The following GRIK3 variants were observed in gnomAD, a reference collection of about 807,000 sequenced individuals.
GRIK3 encodes glutamate receptor ionotropic, kainate 3.
A neutral mutation model predicts 102.5 loss-of-function variants in GRIK3; 29 were observed. The ratio of observed to expected loss-of-function variants is 0.28; its 90% confidence interval spans 0.21 to 0.39. GRIK3 has a LOEUF of 0.39. Ranked by LOEUF, GRIK3 falls within the 10% of genes least tolerant of loss-of-function variation. The probability of loss-of-function intolerance (pLI) is 1.00; values close to 1 mark genes in which losing one functional copy is unlikely to be tolerated. For missense variants in GRIK3, 908 were observed against 1,252.4 expected (o/e 0.73, Z 4.15); for synonymous variants, 511 against 504.9 (o/e 1.01, Z -0.16).
intron 1 of GRIK3, among the ~76,000 whole-genome samples, chr1:36,947,860 C>G (rs749196593): frequency 1.3e-5 from 2 of 152,136 alleles, no homozygotes; most frequent in African/African-American, 4.8e-5. Flanking sequence ...CACCCCACCC[C>G]CTCCACAGTA....
At chr1:36,954,090 A>G (rs1304927021) in intron 1 of GRIK3, among the ~76,000 whole-genome samples, 1 of 152,200 alleles carries the variant, frequency 6.6e-6, no homozygotes, top group African/African-American at 2.4e-5. Flanking sequence ...AAGGGGGACG[A>G]AGGGCATCCT....
intron 5 of GRIK3, among the ~76,000 whole-genome samples, chr1:36,862,650 C>T (rs1188026991): frequency 1.3e-5 from 2 of 152,184 alleles, no homozygotes; most frequent in Non-Finnish European, 1.5e-5. Flanking sequence ...AAGTCTCCCT[C>T]CCTCAGCTCC....
intron 1 of GRIK3, among the ~76,000 whole-genome samples, chr1:36,895,799 A>G (rs1641165631): frequency 6.6e-6 from 1 of 152,186 alleles, no homozygotes; most frequent in African/African-American, 2.4e-5. Context: ...AGCAGGAAAT[A>G]TGTCCCCAAA....
chr1:36,898,466 T>G (rs1308059889), intron 1 of GRIK3, among the ~76,000 whole-genome samples: 1 of 152,162 alleles, frequency 6.6e-6, no homozygotes, highest in East Asian at 1.9e-4. Context: ...ACATCTATTA[T>G]GTACCCACAA....
chr1:36,809,995 G>A (rs1433228006), intron 13 of GRIK3, among the ~76,000 whole-genome samples: 4 of 152,064 alleles, frequency 2.6e-5, no homozygotes, highest in African/African-American at 4.8e-5. Flanking sequence ...TCCTAGAATG[G>A]TCCCCACTGT....
intron 1 of GRIK3, among the ~76,000 whole-genome samples, chr1:37,020,973 A>C (rs822853): frequency 0.19 from 28,280 of 152,072 alleles, 3,877 homozygotes; most frequent in African/African-American, 0.38. Context: ...ACATATGAAT[A>C]CAATTTGTAT....
At chr1:36,851,548 A>T (rs758675848) in intron 8 of GRIK3, among the ~76,000 whole-genome samples, 14 of 152,378 alleles carry the variant, frequency 9.2e-5, no homozygotes, top group Middle Eastern at 3.4e-3. Flanking sequence ...CTTGGCAAAC[A>T]TCTGTTCAGA....
At chr1:36,847,111 T>C (rs1640528485) in intron 9 of GRIK3, among the ~76,000 whole-genome samples, 2 of 152,250 alleles carry the variant, frequency 1.3e-5, no homozygotes, top group Admixed American at 6.5e-5. Context: ...TATTTGATAC[T>C]ACATGATGGG....
intron 1 of GRIK3, among the ~76,000 whole-genome samples, chr1:36,898,147 G>C (rs180864112): frequency 2.0e-5 from 3 of 152,008 alleles, no homozygotes; most frequent in East Asian, 1.9e-4. Flanking sequence ...TAGGCTGGGT[G>C]GGGGGAGGTG....
intron 2 of GRIK3, among the ~76,000 whole-genome samples, chr1:36,883,997 C>T (rs1641011703): frequency 6.6e-6 from 1 of 152,232 alleles, no homozygotes; most frequent in Admixed American, 6.5e-5. Flanking sequence ...ATGTGATGAG[C>T]TGGCTAGTTT....
intron 1 of GRIK3, among the ~76,000 whole-genome samples, chr1:36,937,198 T>C (rs1379099023): frequency 6.6e-6 from 1 of 152,168 alleles, no homozygotes; most frequent in African/African-American, 2.4e-5. Flanking sequence ...GAGCTGTCCC[T>C]GGAGTAAACT....
At chr1:36,836,375 C>T (rs1326392663) in intron 10 of GRIK3, among the ~76,000 whole-genome samples, 1 of 152,260 alleles carries the variant, frequency 6.6e-6, no homozygotes, top group Non-Finnish European at 1.5e-5. Context: ...CATGTGTTCA[C>T]CCACGTGTCC....
intron 1 of GRIK3, among the ~76,000 whole-genome samples, chr1:36,986,465 C>CCCAT (rs774258723): frequency 0.18 from 20,515 of 115,030 alleles, 1,675 homozygotes; most frequent in Non-Finnish European, 0.21. Flanking sequence ...CATCCATCAG[C>CCCAT]CCATCCATCC....
In GRIK3 at chr1:36,880,313, T is replaced by C. The variant is rs1280784684; in HGVS notation, c.550+321A>G. 3.9e-5 allele frequency among the ~76,000 whole-genome samples: 6 copies of C among 152,044 alleles called. No individual in the cohort carries two copies. Among genetic ancestry groups the C allele is most frequent in the African/African-American group, 1.4e-4 (6 of 41,384 alleles). ...GTGTGAGCGTAAGGGCATGGGCAGGTGTCGGTGTGGCTTGCAGATGTGTGT... is the reference window on the plus strand; with the variant it reads ...GTGTGAGCGTAAGGGCATGGGCAGGCGTCGGTGTGGCTTGCAGATGTGTGT... On this transcript the variant is annotated intron_variant, in intron 3 of 15. Coordinates refer to ENST00000373091, the MANE Select transcript of GRIK3 (RefSeq NM_000831.4). The surrounding 1 kb of genome is among the most constrained non-coding windows in gnomAD (Gnocchi z 5.4).
intron 6 of GRIK3, 37 bp downstream of exon 6, chr1:36,859,807 G>A: frequency 2.0e-6 from 3 of 1,530,468 alleles, no homozygotes; most frequent in Non-Finnish European, 2.7e-6. Context: ...GAGGCAGGTG[G>A]GAAGCCCCTG....
intron 1 of GRIK3, among the ~76,000 whole-genome samples, chr1:37,015,849 C>T (rs966922544): frequency 1.3e-5 from 2 of 152,244 alleles, no homozygotes; most frequent in Non-Finnish European, 2.9e-5. Context: ...AGAGATGGGC[C>T]TGCGGCCACT....
chr1:37,025,581 C>T (rs1279099820), intron 1 of GRIK3, among the ~76,000 whole-genome samples: 2 of 152,212 alleles, frequency 1.3e-5, no homozygotes, highest in Non-Finnish European at 2.9e-5. Context: ...CCTGCTTTTC[C>T]GCCCAATTGG....
chr1:36,854,966 T>C (rs1409724636), intron 7 of GRIK3, among the ~76,000 whole-genome samples: 1 of 152,224 alleles, frequency 6.6e-6, no homozygotes, highest in African/African-American at 2.4e-5. Context: ...CCCCTCGGTC[T>C]GGACCTGTTT....
intron 1 of GRIK3, among the ~76,000 whole-genome samples, chr1:36,964,420 ACC>A (rs1642058987): frequency 6.6e-6 from 1 of 151,828 alleles, no homozygotes; most frequent in African/African-American, 2.4e-5. Context: ...CCACACAGTG[ACC>A]CCTCTCCCCT....
Sources: gnomAD v4.1 joint callset for allele counts (sites outside exome capture counted in the v4.1 genomes callset) on GRCh38, gnomAD v4.1.1 for gene constraint, Gnocchi (gnomAD v3.1) non-coding constraint, MANE v1.5 for transcripts, NCBI Gene and HGNC (gene_info 2026-07-23, HGNC 2026-07-21) for gene names.